PPP2R2B: variants seen among roughly 807,000 people sequenced by gnomAD.
The protein encoded by PPP2R2B is serine/threonine-protein phosphatase 2A 55 kDa regulatory subunit B beta isoform.
Under a neutral mutation model 46.0 loss-of-function variants are expected in PPP2R2B, and 5 were observed. The ratio of observed to expected loss-of-function variants is 0.11; its 90% CI spans 0.06 to 0.23. The LOEUF is 0.23. Ranked by LOEUF, PPP2R2B falls within the 10% of genes least tolerant of loss-of-function variation. The pLI is 1.00. For synonymous variants in PPP2R2B, 215 were observed against 206.7 expected (o/e 1.04, Z -0.34); for missense variants, 367 against 575.0 (o/e 0.64, Z 3.70).
At chr5:146,803,943 A>G (rs4705121) in intron 2 of PPP2R2B, among the ~76,000 whole-genome samples, 92,396 of 151,992 alleles carry the variant, frequency 0.61, 28,535 homozygotes, top group Non-Finnish European at 0.64. Context: ...CGAGGCAGGC[A>G]GATCACAAGG....
At chr5:146,905,094 C>G (rs933254104) in intron 1 of PPP2R2B, among the ~76,000 whole-genome samples, 1 of 152,016 alleles carries the variant, frequency 6.6e-6, no homozygotes, top group Non-Finnish European at 1.5e-5. Context: ...AAGTTAAAAC[C>G]GCAATGAAAT....
Position 146,851,823 on chromosome 5 carries a change from A to C in PPP2R2B, c.70+26179T>G, listed in dbSNP as rs1561959070. On this transcript the variant is annotated intron_variant, in intron 2 of 9. Coordinates refer to ENST00000394411, the MANE Select transcript of PPP2R2B (RefSeq NM_181675.4). The stretch of plus-strand genomic sequence containing the variant: ...GCTGTTTCATTTCAAGAGAGTCTTC[A>C]TTTTTTTTTTAGTGATAAGTTTACA... 2.7e-5 allele frequency among the ~76,000 whole-genome samples: 4 copies of C among 148,750 alleles called. No individual in the cohort carries two copies. In the Admixed American group the frequency reaches 2.7e-4, roughly 10 times the overall value.
upstream of PPP2R2B, among the ~76,000 whole-genome samples, chr5:146,880,648 G>A (rs1379385954): frequency 6.6e-6 from 1 of 152,208 alleles, no homozygotes; most frequent in African/African-American, 2.4e-5. Context: ...TCAAGGGCTA[G>A]ATTGGGACAG....
chr5:147,017,200 T>C (rs1172548975), intron 1 of PPP2R2B, among the ~76,000 whole-genome samples: 1 of 151,554 alleles, frequency 6.6e-6, no homozygotes, highest in African/African-American at 2.4e-5. Flanking sequence ...CTGTGGGCAA[T>C]AGAATCAGCA....
intron 1 of PPP2R2B, among the ~76,000 whole-genome samples, chr5:146,943,625 C>T (rs1467215252): frequency 6.6e-6 from 1 of 152,016 alleles, no homozygotes; most frequent in Non-Finnish European, 1.5e-5. Flanking sequence ...CATCTTTCAA[C>T]TCTTTAGAAT....
intron 1 of PPP2R2B, among the ~76,000 whole-genome samples, chr5:146,930,335 A>C (rs1763926320): frequency 6.6e-6 from 1 of 152,302 alleles, no homozygotes; most frequent in Non-Finnish European, 1.5e-5. Flanking sequence ...ATTAGATAAA[A>C]AGTCCATGTG....
At position 146,649,533 on chromosome 5, in the gene PPP2R2B, C is replaced by T. The variant is rs188456377; in HGVS notation, c.625+1014G>A. Among the ~76,000 whole-genome samples the T allele has an allele frequency of 3.2e-3, 493 of 151,910 alleles. 3 individuals carry two copies. Among genetic ancestry groups the T allele is most frequent in the African/African-American group, 0.01 (430 of 41,374 alleles). ...GATCTCGGCTTACTGCAACCTCTGC[C>T]TCCTCAGTTCAAGCGATTCTCCTGC... On this transcript the variant is annotated intron_variant, in intron 6 of 9. Coordinates refer to ENST00000394411, the MANE Select transcript of PPP2R2B (RefSeq NM_181675.4).
intron 2 of PPP2R2B, among the ~76,000 whole-genome samples, chr5:146,740,467 T>G (rs1752799669): frequency 6.6e-6 from 1 of 151,908 alleles, no homozygotes. Flanking sequence ...GTCAGAGAAC[T>G]CAAAGAAAAA....
intron 5 of PPP2R2B, among the ~76,000 whole-genome samples, chr5:146,675,331 A>G (rs938404734): frequency 6.6e-6 from 1 of 152,158 alleles, no homozygotes; most frequent in Non-Finnish European, 1.5e-5. Context: ...TAAGCTTTTG[A>G]ATCTTTATTG....
intron 1 of PPP2R2B, among the ~76,000 whole-genome samples, chr5:146,991,258 A>G (rs567667041): frequency 7.5e-4 from 114 of 152,300 alleles, no homozygotes; most frequent in African/African-American, 2.6e-3. Flanking sequence ...TATGTTGAAG[A>G]GACATCTGCA....
intron 1 of PPP2R2B, among the ~76,000 whole-genome samples, chr5:147,018,959 C>G (rs1022762503): frequency 1.3e-5 from 2 of 152,150 alleles, no homozygotes; most frequent in African/African-American, 4.8e-5. Context: ...AGCATTAGCA[C>G]TGAGTTCTTG....
At chr5:146,813,481 C>A (rs1308961923) in intron 2 of PPP2R2B, among the ~76,000 whole-genome samples, 1 of 152,110 alleles carries the variant, frequency 6.6e-6, no homozygotes, top group Non-Finnish European at 1.5e-5. Flanking sequence ...GTGGAAGCAA[C>A]GCTTAGAGGT....
intron 1 of PPP2R2B, among the ~76,000 whole-genome samples, chr5:146,980,948 A>G (rs1406099014): frequency 6.6e-6 from 1 of 152,178 alleles, no homozygotes; most frequent in East Asian, 1.9e-4. Context: ...TTTTTAACCT[A>G]GATACTCAAA....
At chr5:146,617,860 A>C (rs1471558949) in intron 7 of PPP2R2B, among the ~76,000 whole-genome samples, 1 of 151,902 alleles carries the variant, frequency 6.6e-6, no homozygotes, top group African/African-American at 2.4e-5. Flanking sequence ...ACGCCCAGCT[A>C]ATTTTTGTAG....
At chr5:146,622,405 A>T (rs1409855840) in intron 7 of PPP2R2B, among the ~76,000 whole-genome samples, 1 of 152,212 alleles carries the variant, frequency 6.6e-6, no homozygotes, top group Admixed American at 6.5e-5. Context: ...GGTAAATCCA[A>T]GGAGTTAAGT....
intron 5 of PPP2R2B, 85 bp downstream of exon 5, chr5:146,691,043 G>A: frequency 8.5e-7 from 1 of 1,174,610 alleles, no homozygotes; most frequent in South Asian, 1.4e-5. Flanking sequence ...CATTATAGTT[G>A]CAACCTACAG....
chr5:146,721,246 T>C (rs1780780779), intron 2 of PPP2R2B, among the ~76,000 whole-genome samples: 1 of 152,196 alleles, frequency 6.6e-6, no homozygotes, highest in Non-Finnish European at 1.5e-5. Context: ...CATCACCCAC[T>C]GTTGATTAGA....
At chr5:146,693,061 A>G (rs943697405) in intron 4 of PPP2R2B, among the ~76,000 whole-genome samples, 1 of 152,140 alleles carries the variant, frequency 6.6e-6, no homozygotes, top group African/African-American at 2.4e-5. Context: ...GACGCCAGTC[A>G]CATGTCCAAG....
At position 146,768,769 on chromosome 5, in the gene PPP2R2B, C is replaced by G. The variant is rs77677854; in HGVS notation, c.71-67627G>C. The stretch of plus-strand genomic sequence containing the variant: ...AAGTCTCACTGGCCTCCTCCCAGCT[C>G]TTTCCTGTTCCTGGAGATTTGCTGT... On this transcript the variant is annotated intron_variant, in intron 2 of 9. Transcript: ENST00000394411. Among the ~76,000 whole-genome samples the G allele has an allele frequency of 4.8e-3, 730 of 152,310 alleles. 2 individuals are homozygous for G. Among genetic ancestry groups the G allele is most frequent in the African/African-American group, 0.016 (682 of 41,572 alleles).
Sources: gnomAD v4.1 joint callset for allele counts (sites outside exome capture counted in the v4.1 genomes callset) on GRCh38, gnomAD v4.1.1 for gene constraint, MANE v1.5 for transcripts, NCBI Gene and HGNC (gene_info 2026-07-23, HGNC 2026-07-21) for gene names.